Variants in PCDHGA8 observed in about 807,000 individuals in gnomAD.
PCDHGA8 encodes protocadherin gamma subfamily A, 8.
PCDHGA8 carries 45 observed loss-of-function variants against 59.2 expected under a neutral mutation model. That is an observed-to-expected ratio of 0.76 (90% CI 0.60 to 0.98). The LOEUF (loss-of-function observed/expected upper bound fraction) is 0.98, where lower values mean the gene tolerates loss of function less well. Among genes scored for constraint, PCDHGA8 ranks in the 50% least tolerant of loss-of-function variants. The pLI, the probability that PCDHGA8 is intolerant of heterozygous loss-of-function variation, is 0.00. For missense variants in PCDHGA8, 1,257 were observed against 1,196.2 expected (o/e 1.05, Z -0.75); for synonymous variants, 531 against 519.0 (o/e 1.02, Z -0.32).
At chr5:141,483,670 A>G (rs1158511173) in intron 1 of PCDHGA8, among the ~76,000 whole-genome samples, 1 of 138,404 alleles carries the variant, frequency 7.2e-6, no homozygotes, top group African/African-American at 3.1e-5. Context: ...GTGTGTGTGT[A>G]AAAGAACACA....
At chr5:141,397,858 C>G in intron 1 of PCDHGA8, 2 of 559,034 alleles carry the variant, frequency 3.6e-6, no homozygotes, top group South Asian at 2.6e-5. Context: ...GCTGTAGTTT[C>G]CTAGTGCTGA....
intron 1 of PCDHGA8, chr5:141,412,995 T>G: frequency 1.7e-6 from 1 of 572,718 alleles, no homozygotes. Flanking sequence ...TCAATCCGGA[T>G]TCTCAGGGCT....
At position 141,431,178 on chromosome 5, in the gene PCDHGA8, T is replaced by A; in HGVS notation, c.2424+35941T>A. 2 of 1,614,078 alleles carry A rather than the reference T, an allele frequency of 1.2e-6. No individual in the cohort carries two copies. Among genetic ancestry groups the A allele is most frequent in the Non-Finnish European group, 1.7e-6 (2 of 1,180,000 alleles). On this transcript the variant is annotated intron_variant, in intron 1 of 3. Coordinates refer to ENST00000398604, the MANE Select transcript of PCDHGA8 (RefSeq NM_032088.2). This position sits in a 1 kb window ranked among gnomAD's most constrained non-coding sequence, Gnocchi z 4.8. ...TACTTTCGTGAAAGTGAATTAGAAATAAAAATTAGTGAAAATGCAGCCACT... is the reference window on the plus strand; with the variant it reads ...TACTTTCGTGAAAGTGAATTAGAAAAAAAAATTAGTGAAAATGCAGCCACT...
chr5:141,421,811 T>A, intron 1 of PCDHGA8: 1 of 1,613,766 alleles, frequency 6.2e-7, no homozygotes, highest in Non-Finnish European at 8.5e-7. Flanking sequence ...AATCCAGAGC[T>A]AGTACTGGAG....
At position 141,404,691 on chromosome 5, in the gene PCDHGA8, G is replaced by A. The variant is rs200601931; in HGVS notation, c.2424+9454G>A. ...TCTACTGGTGTGGAGCTGGCACCCC[G>A]CTCTGCAGAGCCTGGCTACCTGGTG... is the stretch of plus-strand genomic sequence containing the variant. On this transcript the variant is annotated intron_variant, in intron 1 of 3. Transcript: ENST00000398604. 1.4e-5 allele frequency: 22 copies of A among 1,613,996 alleles called. No individual in the cohort carries two copies. The East Asian group carries it at 3.8e-4, about 28-fold the overall frequency.
intron 1 of PCDHGA8, chr5:141,422,655 C>G (rs188587553): frequency 1.2e-6 from 2 of 1,610,122 alleles, no homozygotes; most frequent in South Asian, 2.2e-5. Context: ...TCTCAGTGAC[C>G]GCCCTCGACC....
intron 1 of PCDHGA8, chr5:141,419,910 C>A (rs539905795): frequency 1.9e-6 from 3 of 1,613,968 alleles, no homozygotes; most frequent in Non-Finnish European, 2.5e-6. Flanking sequence ...CCCTCTGACT[C>A]CCAGGCTGAG....
At chr5:141,423,711 T>C (rs1479409204) in intron 1 of PCDHGA8, 1 of 1,330,004 alleles carries the variant, frequency 7.5e-7, no homozygotes, top group Non-Finnish European at 9.6e-7. Flanking sequence ...GCACAAGTCT[T>C]TTAAGGAGAT....
intron 1 of PCDHGA8, chr5:141,403,028 G>A (rs1396801327): frequency 6.2e-7 from 1 of 1,614,074 alleles, no homozygotes; most frequent in Admixed American, 1.7e-5. Context: ...GCTATGGGAG[G>A]CCAGGGCCAG....
Position 141,491,793 on chromosome 5 carries a change from C to T in PCDHGA8, c.2425-3014C>T, listed in dbSNP as rs2099730341. 4.0e-6 allele frequency: 6 copies of T among 1,511,410 alleles called. No individual in the cohort carries two copies. Among genetic ancestry groups the T allele is most frequent in the East Asian group, 2.5e-5 (1 of 40,660 alleles). The allele number at this position is 1,511,410 out of a possible 1,614,324, so 93.6% of individuals were successfully genotyped here. A position where few individuals can be genotyped will look rare whatever the true frequency, so the allele number is the denominator to read the frequency against. On this transcript the variant is annotated intron_variant, in intron 1 of 3. Transcript: ENST00000398604. This position sits in a 1 kb window ranked among gnomAD's most constrained non-coding sequence, Gnocchi z 6.9. ...AGGGATTGAACTTGCATCCACTCCT[C>T]TCCGGCCGGCTTGGTCGCTGGCTGC...
In PCDHGA8 at chr5:141,432,184, C is replaced by G; in HGVS notation, c.2424+36947C>G. 1 of 1,614,164 alleles carries G rather than the reference C, an allele frequency of 6.2e-7. No individual in the cohort carries two copies. The highest frequency in any genetic ancestry group is 2.2e-5 in the East Asian group (1 of 44,872). On this transcript the variant is annotated intron_variant, in intron 1 of 3. Coordinates refer to ENST00000398604, the MANE Select transcript of PCDHGA8 (RefSeq NM_032088.2). This position sits in a 1 kb window ranked among gnomAD's most constrained non-coding sequence, Gnocchi z 6.0. Reference sequence around the variant, plus strand: ...GAGGAGTTTCCCTCGTCTCTGTGACCGCCCACGACCCCGACTGTGAAGAGA... The same window carrying G: ...GAGGAGTTTCCCTCGTCTCTGTGACGGCCCACGACCCCGACTGTGAAGAGA...
chr5:141,420,156 A>T lies in PCDHGA8; in HGVS notation c.2424+24919A>T, dbSNP rs1406451882. ...GGGGATCAAATGAATCCAGAATTTA[A>T]TTTTTTCACATCTGTTGATCATTGT... On this transcript the variant is annotated intron_variant, in intron 1 of 3. Coordinates refer to ENST00000398604, the MANE Select transcript of PCDHGA8 (RefSeq NM_032088.2). The T allele has an allele frequency of 1.4e-5, 22 of 1,613,872 alleles. No individual in the cohort carries two copies. Among genetic ancestry groups the T allele is most frequent in the Middle Eastern group, 3.3e-4 (2 of 6,084 alleles).
intron 2 of PCDHGA8, among the ~76,000 whole-genome samples, chr5:141,498,962 A>G (rs1257746192): frequency 8.0e-6 from 1 of 124,866 alleles, no homozygotes; most frequent in Non-Finnish European, 1.7e-5. Context: ...AGAGAGAGGG[A>G]GGGAGGGAGG....
chr5:141,452,641 CT>C (rs1351640847), intron 1 of PCDHGA8, among the ~76,000 whole-genome samples: 3 of 151,934 alleles, frequency 2.0e-5, no homozygotes, highest in Admixed American at 1.3e-4. Flanking sequence ...AATATATTTA[CT>C]CATTTGCTCC....
Position 141,399,437 on chromosome 5 carries a change from A to T in PCDHGA8, c.2424+4200A>T, listed in dbSNP as rs780100815. The stretch of plus-strand genomic sequence containing the variant: ...TCCTCCAGCATAAGCGTCATCCTAC[A>T]TATCAGAGACGTCAACGATAACGCT... On this transcript the variant is annotated intron_variant, in intron 1 of 3. Coordinates refer to ENST00000398604, the MANE Select transcript of PCDHGA8 (RefSeq NM_032088.2). 22 of 1,613,998 alleles carry T rather than the reference A, an allele frequency of 1.4e-5. No individual in the cohort carries two copies. The South Asian group carries it at 2.2e-4, about 16-fold the overall frequency.
intron 2 of PCDHGA8, among the ~76,000 whole-genome samples, chr5:141,496,991 G>T (rs1164558685): frequency 6.6e-6 from 1 of 151,902 alleles, no homozygotes; most frequent in African/African-American, 2.4e-5. Context: ...TTTGAGACCA[G>T]CCTGGCAGCC....
rs1040028231 is a variant in PCDHGA8, at chr5:141,485,542, C to T, written c.2425-9265C>T. 6.8e-6 allele frequency: 11 copies of T among 1,613,900 alleles called. No individual in the cohort carries two copies. Among genetic ancestry groups the T allele is most frequent in the Admixed American group, 6.7e-5 (4 of 59,996 alleles). On this transcript the variant is annotated intron_variant, in intron 1 of 3. Coordinates refer to ENST00000398604, the MANE Select transcript of PCDHGA8 (RefSeq NM_032088.2). The surrounding 1 kb of genome is among the most constrained non-coding windows in gnomAD (Gnocchi z 5.7). ...AAATGTACCGAGCAGAGGTAGAGAT[C>T]GTAGATGTGAATGATCACGCCCCCC...
In PCDHGA8 at chr5:141,394,173, C is replaced by T; in HGVS notation, c.1360C>T (p.His454Tyr). 6.2e-7 allele frequency: 1 copy of T among 1,613,948 alleles called. No homozygotes were observed. Among genetic ancestry groups the T allele is most frequent in the Non-Finnish European group, 8.5e-7 (1 of 1,179,870 alleles). Residue 454 changes from histidine to tyrosine, a missense_variant, in exon 1 of 4, where the codon CAT (histidine) becomes TAT (tyrosine). By Grantham distance (83) the His-to-Tyr change is moderately conservative. Coordinates refer to ENST00000398604, the MANE Select transcript of PCDHGA8 (RefSeq NM_032088.2). ...DINDNPPTFP[H>Y]ASYSAYILEN... Reference sequence around the variant, plus strand: ...TAACGACAACCCTCCTACTTTCCCTCATGCCTCCTACTCAGCGTATATCCT... The same window carrying T: ...TAACGACAACCCTCCTACTTTCCCTTATGCCTCCTACTCAGCGTATATCCT...
At chr5:141,418,136 G>C (rs1218707482) in intron 1 of PCDHGA8, 15 of 1,613,984 alleles carry the variant, frequency 9.3e-6, no homozygotes, top group Non-Finnish European at 1.1e-5. Flanking sequence ...AATAGACCGT[G>C]AGCAAATATG....
Sources: gnomAD v4.1 joint callset for allele counts (sites outside exome capture counted in the v4.1 genomes callset) on GRCh38, gnomAD v4.1.1 for gene constraint, Gnocchi (gnomAD v3.1) non-coding constraint, MANE v1.5 for transcripts, NCBI Gene and HGNC (gene_info 2026-07-23, HGNC 2026-07-21) for gene names.